Variants in PPM1E observed in about 807,000 individuals in gnomAD.
PPM1E encodes the protein protein phosphatase 1E.
A neutral mutation model predicts 65.9 loss-of-function variants in PPM1E; 20 were observed. The observed-to-expected ratio is 0.30, with a 90% CI of 0.21 to 0.44. The LOEUF is 0.44. PPM1E is among the 20% of genes least tolerant of loss of function. The pLI is 1.00. For missense variants in PPM1E, 713 were observed against 953.1 expected (o/e 0.75, Z 3.32); for synonymous variants, 352 against 374.9 (o/e 0.94, Z 0.70).
At chr17:58,966,223 A>C in intron 3 of PPM1E, 1 of 380,568 alleles carries the variant, frequency 2.6e-6, no homozygotes, top group South Asian at 2.2e-5. Context: ...AGCAAAAAAG[A>C]AAATGATTAG....
chr17:58,817,392 G>A (rs950416228), intron 1 of PPM1E, among the ~76,000 whole-genome samples: 1 of 152,042 alleles, frequency 6.6e-6, no homozygotes, highest in Non-Finnish European at 1.5e-5. Flanking sequence ...AGTTTGGGAA[G>A]CCTTTTTATT....
At chr17:58,812,017 C>G (rs1395831289) in intron 1 of PPM1E, among the ~76,000 whole-genome samples, 3 of 151,874 alleles carry the variant, frequency 2.0e-5, no homozygotes, top group Non-Finnish European at 2.9e-5. Flanking sequence ...AGTTCATATC[C>G]TTAGCTAGAA....
chr17:58,980,355 A>G lies in PPM1E; in HGVS notation c.1592A>G (p.Gln531Arg), dbSNP rs937435070. 1 of 1,614,180 alleles carries G rather than the reference A, an allele frequency of 6.2e-7. No homozygotes were observed. Among genetic ancestry groups the G allele is most frequent in the Non-Finnish European group, 8.5e-7 (1 of 1,180,016 alleles). The change falls in exon 7 of 7, where the codon CAG becomes CGG. Residue 531 changes from glutamine to arginine, a missense_variant. By Grantham distance (43) the Gln-to-Arg change is conservative (BLOSUM62 1). Around this residue, in one of 6 missense-constraint regions of PPM1E, gnomAD observed 286 missense variants for 313.8 expected, o/e 0.91. Transcript: ENST00000308249. The surrounding 1 kb of genome is among the most constrained non-coding windows in gnomAD (Gnocchi z 4.7). ...GGAGAGTGCAAACGCCCTTGGCCTC[A>G]GCACCAGTGCTCAGCACCAGCCGAC... is the stretch of plus-strand genomic sequence containing the variant. ...NHGECKRPWP[Q>R]HQCSAPADLG...
intron 1 of PPM1E, among the ~76,000 whole-genome samples, chr17:58,947,448 G>C (rs1454001558): frequency 1.3e-5 from 2 of 151,276 alleles, no homozygotes; most frequent in Non-Finnish European, 2.9e-5. Context: ...TGTTAGCCAG[G>C]CTGGTCTTGA....
At chr17:58,786,881 CT>C (rs1325448853) in intron 1 of PPM1E, among the ~76,000 whole-genome samples, 5 of 151,892 alleles carry the variant, frequency 3.3e-5, no homozygotes, top group Non-Finnish European at 7.4e-5. Flanking sequence ...CAATCATAAT[CT>C]TTGTGCATAA....
At chr17:58,971,646 G>A (rs537221348) in intron 4 of PPM1E, among the ~76,000 whole-genome samples, 2 of 152,288 alleles carry the variant, frequency 1.3e-5, no homozygotes, top group South Asian at 4.1e-4. Flanking sequence ...TAGAGCATCT[G>A]TTGTGTACCA....
chr17:58,802,246 A>AT (rs533650466), intron 1 of PPM1E, among the ~76,000 whole-genome samples: 115 of 152,270 alleles, frequency 7.6e-4, no homozygotes, highest in Non-Finnish European at 1.5e-3. Flanking sequence ...TATTTTTTGA[A>AT]TAGGGATATC....
chr17:58,857,325 G>C (rs964571823), intron 1 of PPM1E, among the ~76,000 whole-genome samples: 9 of 152,034 alleles, frequency 5.9e-5, no homozygotes, highest in African/African-American at 2.2e-4. Context: ...TACAATAACA[G>C]TGGTTTTTGT....
At chr17:58,839,812 G>C (rs1466863671) in intron 1 of PPM1E, among the ~76,000 whole-genome samples, 2 of 152,138 alleles carry the variant, frequency 1.3e-5, no homozygotes, top group Non-Finnish European at 2.9e-5. Flanking sequence ...TAACGTTGAG[G>C]ATACTAGAAC....
intron 1 of PPM1E, among the ~76,000 whole-genome samples, chr17:58,772,499 A>G (rs999717142): frequency 1.3e-5 from 2 of 152,014 alleles, no homozygotes; most frequent in Admixed American, 6.6e-5. Context: ...TTATGGGGAC[A>G]CTGAGACACA....
chr17:58,898,753 C>G (rs1347637785), intron 1 of PPM1E, among the ~76,000 whole-genome samples: 1 of 152,122 alleles, frequency 6.6e-6, no homozygotes, highest in Non-Finnish European at 1.5e-5. Context: ...AGACTTGGAA[C>G]CAACCCAAAT....
chr17:58,926,149 TG>T (rs2051821422), intron 1 of PPM1E, among the ~76,000 whole-genome samples: 1 of 152,066 alleles, frequency 6.6e-6, no homozygotes, highest in Non-Finnish European at 1.5e-5. Context: ...GAGACCAGCC[TG>T]GCCAACGTGG....
intron 1 of PPM1E, among the ~76,000 whole-genome samples, chr17:58,804,036 C>T (rs1018839523): frequency 6.6e-6 from 1 of 152,164 alleles, no homozygotes; most frequent in Non-Finnish European, 1.5e-5. Flanking sequence ...TCAAGCAGTC[C>T]TCCTGCCTCA....
chr17:58,842,357 A>G (rs2050728016), intron 1 of PPM1E, among the ~76,000 whole-genome samples: 1 of 152,212 alleles, frequency 6.6e-6, no homozygotes, highest in South Asian at 2.1e-4. Context: ...AAATCAAACT[A>G]TGGACCAGTT....
chr17:58,836,654 G>A (rs995863239), intron 1 of PPM1E, among the ~76,000 whole-genome samples: 5 of 150,418 alleles, frequency 3.3e-5, no homozygotes, highest in African/African-American at 7.3e-5. Context: ...TAGTAGAGAC[G>A]GGGTTTCACC....
chr17:58,861,871 G>A (rs1454789197), intron 1 of PPM1E, among the ~76,000 whole-genome samples: 1 of 152,094 alleles, frequency 6.6e-6, no homozygotes, highest in Non-Finnish European at 1.5e-5. Context: ...TGAGGCTGTA[G>A]TGAGCCTAGA....
intron 1 of PPM1E, among the ~76,000 whole-genome samples, chr17:58,839,203 C>G (rs974124894): frequency 6.6e-6 from 1 of 152,072 alleles, no homozygotes; most frequent in Non-Finnish European, 1.5e-5. Context: ...GGCATGGTGG[C>G]TTCTGCCTGT....
At chr17:58,977,440 C>CAAAA (rs1282159101) in intron 6 of PPM1E, among the ~76,000 whole-genome samples, 2 of 62,104 alleles carry the variant, frequency 3.2e-5, no homozygotes, top group African/African-American at 1.2e-4. Context: ...GACTCTGTCT[C>CAAAA]AAAAAAAAAA....
intron 1 of PPM1E, among the ~76,000 whole-genome samples, chr17:58,902,716 G>C (rs2051512122): frequency 6.6e-6 from 1 of 151,954 alleles, no homozygotes; most frequent in South Asian, 2.1e-4. Context: ...TCATTGTTTT[G>C]CTTCCAAAGA....
Sources: gnomAD v4.1 joint callset for allele counts (sites outside exome capture counted in the v4.1 genomes callset) on GRCh38, gnomAD v4.1.1 for gene constraint, gnomAD v4.1.1 regional missense constraint, Gnocchi (gnomAD v3.1) non-coding constraint, MANE v1.5 for transcripts, NCBI Gene and HGNC (gene_info 2026-07-23, HGNC 2026-07-21) for gene names.